The following SEMA6D variants were observed in gnomAD, a reference collection of about 807,000 sequenced individuals.
SEMA6D encodes the protein semaphorin-6D.
In SEMA6D, 35 loss-of-function variants were observed where a neutral mutation model predicts 106.6. The ratio of observed to expected loss-of-function variants is 0.33; its 90% CI spans 0.25 to 0.44. The LOEUF (loss-of-function observed/expected upper bound fraction) is 0.44. SEMA6D is among the 20% of genes least tolerant of loss of function. The pLI is 1.00. For synonymous variants in SEMA6D, 499 were observed against 487.7 expected (o/e 1.02, Z -0.31); for missense variants, 1,185 against 1,345.9 (o/e 0.88, Z 1.87).
rs142772691 is a variant in SEMA6D at position 47,610,915 on chromosome 15, G to T, written c.-55+10019G>T. ...AAGTGGATTAAGTTATTTAAGGAATGACTATATGTTATATGGCAGTTAAAA... is the reference window on the plus strand; with the variant it reads ...AAGTGGATTAAGTTATTTAAGGAATTACTATATGTTATATGGCAGTTAAAA... On this transcript the variant is annotated intron_variant, in intron 4 of 19. Transcript: ENST00000558014. Among the ~76,000 whole-genome samples, 24 of 152,308 alleles carry T rather than the reference G, an allele frequency of 1.6e-4. No homozygotes were observed. In the East Asian group the frequency reaches 4.2e-3, roughly 27 times the overall value.
chr15:47,602,794 A>G (rs889588101), intron 4 of SEMA6D, among the ~76,000 whole-genome samples: 2 of 152,188 alleles, frequency 1.3e-5, no homozygotes, highest in Non-Finnish European at 2.9e-5. Context: ...CTGCCTTTGC[A>G]GGATGGAAGA....
intron 1 of SEMA6D, among the ~76,000 whole-genome samples, chr15:47,196,343 G>A (rs964902914): frequency 3.3e-5 from 5 of 152,186 alleles, no homozygotes; most frequent in Non-Finnish European, 7.3e-5. Context: ...AGGCTGCAGA[G>A]AGGCTTTCTG....
At chr15:47,334,982 G>A (rs879578724) in intron 1 of SEMA6D, among the ~76,000 whole-genome samples, 2 of 152,200 alleles carry the variant, frequency 1.3e-5, no homozygotes, top group Admixed American at 6.5e-5. Context: ...AGGCCTTGAG[G>A]CTGTACTAAG....
At chr15:47,388,676 T>C (rs566740006) in intron 1 of SEMA6D, among the ~76,000 whole-genome samples, 2 of 152,318 alleles carry the variant, frequency 1.3e-5, no homozygotes, top group Admixed American at 6.5e-5. Context: ...CCTGTACTTA[T>C]TTATATCTCT....
intron 4 of SEMA6D, among the ~76,000 whole-genome samples, chr15:47,698,783 A>G (rs1294513308): frequency 6.6e-6 from 1 of 152,130 alleles, no homozygotes; most frequent in Non-Finnish European, 1.5e-5. Flanking sequence ...ATCTTTGTCA[A>G]TGCAACATTC....
intron 1 of SEMA6D, among the ~76,000 whole-genome samples, chr15:47,315,498 C>G (rs2036631412): frequency 6.6e-6 from 1 of 152,184 alleles, no homozygotes; most frequent in Non-Finnish European, 1.5e-5. Flanking sequence ...ATGATTGTAT[C>G]TTTTTACAGT....
At chr15:47,627,977 A>G (rs530363972) in intron 4 of SEMA6D, among the ~76,000 whole-genome samples, 4 of 152,096 alleles carry the variant, frequency 2.6e-5, no homozygotes, top group Non-Finnish European at 5.9e-5. Flanking sequence ...ACCCATGAAT[A>G]TTGCCTGAAG....
intron 1 of SEMA6D, among the ~76,000 whole-genome samples, chr15:47,290,079 G>A (rs896464801): frequency 1.3e-5 from 2 of 152,112 alleles, no homozygotes; most frequent in East Asian, 1.9e-4. Context: ...CAATACTTCC[G>A]CAGCATACTG....
intron 1 of SEMA6D, among the ~76,000 whole-genome samples, chr15:47,340,032 A>G (rs1276525378): frequency 6.6e-6 from 1 of 152,170 alleles, no homozygotes; most frequent in Non-Finnish European, 1.5e-5. Flanking sequence ...GAAAAAACCT[A>G]AATAAATGAA....
intron 1 of SEMA6D, among the ~76,000 whole-genome samples, chr15:47,288,257 G>A (rs768879588): frequency 1.3e-5 from 2 of 152,076 alleles, no homozygotes; most frequent in Non-Finnish European, 2.9e-5. Flanking sequence ...ATCTTGGCTT[G>A]CTGCTTGAAA....
At chr15:47,643,732 C>T (rs1437887971) in intron 4 of SEMA6D, among the ~76,000 whole-genome samples, 2 of 152,154 alleles carry the variant, frequency 1.3e-5, no homozygotes, top group East Asian at 3.8e-4. Flanking sequence ...TATCTGTCAC[C>T]TCAAACATTT....
chr15:47,748,583 G>A (rs2081265400), intron 1 of SEMA6D, among the ~76,000 whole-genome samples: 1 of 152,208 alleles, frequency 6.6e-6, no homozygotes, highest in African/African-American at 2.4e-5. Flanking sequence ...AAAGGGGAGA[G>A]GGCCAGGTAA....
chr15:47,616,674 C>T (rs574191118), intron 4 of SEMA6D, among the ~76,000 whole-genome samples: 2 of 151,632 alleles, frequency 1.3e-5, no homozygotes, highest in Admixed American at 6.6e-5. Flanking sequence ...GGTTTGGCTA[C>T]GACAGAATTT....
At chr15:47,408,633 G>A (rs954176643) in intron 1 of SEMA6D, among the ~76,000 whole-genome samples, 14 of 152,152 alleles carry the variant, frequency 9.2e-5, no homozygotes, top group Admixed American at 8.5e-4. Context: ...TAAAAAGGGG[G>A]AATCTGATCT....
At chr15:47,252,244 C>T (rs1240300571) in intron 1 of SEMA6D, among the ~76,000 whole-genome samples, 1 of 152,122 alleles carries the variant, frequency 6.6e-6, no homozygotes, top group Non-Finnish European at 1.5e-5. Context: ...GCGATTTCTT[C>T]ATTTTAATTT....
At chr15:47,602,835 G>A (rs1025286986) in intron 4 of SEMA6D, among the ~76,000 whole-genome samples, 5 of 152,016 alleles carry the variant, frequency 3.3e-5, no homozygotes, top group Non-Finnish European at 5.9e-5. Context: ...CCCCACCCCC[G>A]AAACTCTTGC....
At chr15:47,715,607 C>CA (rs1158953329), upstream of SEMA6D, among the ~76,000 whole-genome samples, 3 of 152,152 alleles carry the variant, frequency 2.0e-5, no homozygotes, top group Non-Finnish European at 4.4e-5. Flanking sequence ...ACTGAAAACA[C>CA]GGCTAATCCA....
chr15:47,371,363 G>A (rs930478084), intron 1 of SEMA6D, among the ~76,000 whole-genome samples: 2 of 152,200 alleles, frequency 1.3e-5, no homozygotes, highest in Non-Finnish European at 2.9e-5. Flanking sequence ...GAACTATTAT[G>A]TGATAGATTA....
intron 1 of SEMA6D, among the ~76,000 whole-genome samples, chr15:47,400,848 A>G (rs924967229): frequency 6.6e-6 from 1 of 152,218 alleles, no homozygotes; most frequent in African/African-American, 2.4e-5. Flanking sequence ...GTCTGACATC[A>G]TGCTGTGGGG....
Sources: allele counts gnomAD v4.1 joint callset (sites outside exome capture counted in the v4.1 genomes callset), GRCh38; gene constraint gnomAD v4.1.1; transcripts MANE v1.5; gene names NCBI Gene and HGNC (gene_info 2026-07-23, HGNC 2026-07-21).